The following BCL6 variants were observed in gnomAD, a reference collection of about 807,000 sequenced individuals.
BCL6 encodes BCL6 transcription repressor.
BCL6 carries 7 observed loss-of-function variants against 59.5 expected under a neutral mutation model. The ratio of observed to expected loss-of-function variants is 0.12; its 90% CI spans 0.07 to 0.22. The LOEUF is 0.22. BCL6 is among the 10% of genes least tolerant of loss of function. The pLI, the probability that BCL6 is intolerant of heterozygous loss-of-function variation, is 1.00. For synonymous variants in BCL6, 339 were observed against 349.7 expected (o/e 0.97, Z 0.34); for missense variants, 685 against 939.4 (o/e 0.73, Z 3.54).
At chr3:187,744,786 G>A (rs1576885565) in intron 1 of BCL6, among the ~76,000 whole-genome samples, 2 of 150,134 alleles carry the variant, frequency 1.3e-5, no homozygotes, top group African/African-American at 2.4e-5. Context: ...AGAGGAGGGA[G>A]GGAAGCGGAG....
chr3:187,724,900 A>T, intron 9 of BCL6, 41 bp downstream of exon 9: 1 of 1,554,882 alleles, frequency 6.4e-7, no homozygotes, highest in East Asian at 2.4e-5. Context: ...TGCCCTCCAC[A>T]TCCCCGCAGG....
chr3:187,726,423 G>A (rs1718698365), intron 7 of BCL6, among the ~76,000 whole-genome samples: 2 of 152,182 alleles, frequency 1.3e-5, no homozygotes, highest in Non-Finnish European at 2.9e-5. Flanking sequence ...TACAAAAATT[G>A]AATCTATTTG....
Position 187,729,439 on chromosome 3 carries a change from G to A in BCL6, c.966C>T (p.Pro322=). 6.2e-7 allele frequency: 1 copy of A among 1,609,912 alleles called. No homozygotes were observed. Among genetic ancestry groups the A allele is most frequent in the South Asian group, 1.1e-5 (1 of 90,752 alleles). Residue 322 remains proline (P), a synonymous_variant, in exon 5 of 10, where the codon CCC becomes CCT. Transcript: ENST00000406870. The surrounding 1 kb of genome is among the most constrained non-coding windows in gnomAD (Gnocchi z 5.6). The part of the protein sequence containing the change: ...IALHFEPPNA[P]LNRKGLVSPQ... Reference sequence around the variant, plus strand: ...GACTAACCAGACCCTTCCGGTTCAGGGGTGCATTGGGGGGCTCGAAATGCA... The same window carrying A: ...GACTAACCAGACCCTTCCGGTTCAGAGGTGCATTGGGGGGCTCGAAATGCA...
In BCL6 at chr3:187,729,029, C is replaced by A; in HGVS notation, c.1355+21G>T. 6.6e-7 allele frequency: 1 copy of A among 1,516,510 alleles called. No individual in the cohort carries two copies. The highest frequency in any genetic ancestry group is 8.8e-7 in the Non-Finnish European group (1 of 1,134,864). The allele number at this position is 1,516,510 out of a possible 1,614,324, so 93.9% of individuals were successfully genotyped here. On this transcript the variant is annotated intron_variant, in intron 5 of 9. Coordinates refer to ENST00000406870, the MANE Select transcript of BCL6 (RefSeq NM_001706.5). The surrounding 1 kb of genome is among the most constrained non-coding windows in gnomAD (Gnocchi z 5.6). ...GCCCAGGTAACCCCTGACCTCAGAC[C>A]CAGACAGTCTCTGAAATCACCTGTT...
chr3:187,729,162 G>T lies in BCL6; in HGVS notation c.1243C>A (p.Gln415Lys). 6.2e-7 allele frequency: 1 copy of T among 1,609,444 alleles called. No homozygotes were observed. Among genetic ancestry groups the T allele is most frequent in the African/African-American group, 1.3e-5 (1 of 74,912 alleles). Residue 415 changes from glutamine (Q) to lysine (K), a missense_variant, in exon 5 of 10, where the codon CAG becomes AAG. Gln to Lys is a moderately conservative substitution (Grantham distance 53, BLOSUM62 1). Transcript: ENST00000406870. This position sits in a 1 kb window ranked among gnomAD's most constrained non-coding sequence, Gnocchi z 5.6. ...AGGTTCTCAGGCTCCATGGGTGGCTGGCAGGCAGGTGGGGCCGTGTAGGCT... is the reference window on the plus strand; with the variant it reads ...AGGTTCTCAGGCTCCATGGGTGGCTTGCAGGCAGGTGGGGCCGTGTAGGCT... ...PRAYTAPPAC[Q>K]PPMEPENLDL...
At chr3:187,744,994 T>C (rs529071394) in intron 1 of BCL6, among the ~76,000 whole-genome samples, 4 of 150,276 alleles carry the variant, frequency 2.7e-5, no homozygotes, top group East Asian at 2.0e-4. Flanking sequence ...CACTGTCTCG[T>C]CCTCTCTGCT....
intron 1 of BCL6, among the ~76,000 whole-genome samples, chr3:187,744,810 G>T (rs1711823452): frequency 6.6e-6 from 1 of 151,928 alleles, no homozygotes; most frequent in African/African-American, 2.4e-5. Flanking sequence ...AGGAGCGACG[G>T]AGCAAGGAAA....
chr3:187,726,028 C>T (rs1267030307), intron 7 of BCL6, among the ~76,000 whole-genome samples: 4 of 152,234 alleles, frequency 2.6e-5, no homozygotes, highest in African/African-American at 9.6e-5. Flanking sequence ...TGAGGGGCTA[C>T]TTCAGATTAC....
chr3:187,726,030 T>C (rs1231822814), intron 7 of BCL6, among the ~76,000 whole-genome samples: 1 of 152,226 alleles, frequency 6.6e-6, no homozygotes, highest in Non-Finnish European at 1.5e-5. Context: ...AGGGGCTACT[T>C]CAGATTACCT....
In BCL6 at chr3:187,728,648, C is replaced by G. The variant is rs1294942067; in HGVS notation, c.1356-104G>C. 1.3e-5 allele frequency: 15 copies of G among 1,173,236 alleles called. No individual in the cohort carries two copies. In the East Asian group the frequency reaches 3.6e-4, roughly 28 times the overall value. 72.7% of individuals were successfully genotyped at this position (1,173,236 alleles called of 1,614,324 possible). A position where few individuals can be genotyped will look rare whatever the true frequency, so the allele number is the denominator to read the frequency against. ...GCCCAGAGGCCAGAGCTGGGCTGCC[C>G]ACTCAAGCTCTGAGACCCCAGAGTT... is the stretch of plus-strand genomic sequence containing the variant. On this transcript the variant is annotated intron_variant, in intron 5 of 9. Coordinates refer to ENST00000406870, the MANE Select transcript of BCL6 (RefSeq NM_001706.5).
At chr3:187,724,897 C>T in intron 9 of BCL6, 44 bp downstream of exon 9, 1 of 1,612,088 alleles carries the variant, frequency 6.2e-7, no homozygotes, top group Admixed American at 1.7e-5. Context: ...CCCTGCCCTC[C>T]ACATCCCCGC....
intron 1 of BCL6, among the ~76,000 whole-genome samples, chr3:187,742,166 G>A (rs1711626021): frequency 6.6e-6 from 1 of 152,014 alleles, no homozygotes; most frequent in Non-Finnish European, 1.5e-5. Flanking sequence ...TTCAAAAATT[G>A]ACTTTTGCCA....
chr3:187,744,835 A>G (rs1241193305), intron 1 of BCL6, among the ~76,000 whole-genome samples: 2 of 152,246 alleles, frequency 1.3e-5, no homozygotes, highest in African/African-American at 2.4e-5. Flanking sequence ...TTTGCAAGCG[A>G]GAAAAGAGGG....
intron 1 of BCL6, among the ~76,000 whole-genome samples, chr3:187,744,807 ACGGAGCAAGGAAAGCAGTTTGC>A: frequency 6.9e-6 from 1 of 144,916 alleles, no homozygotes; most frequent in Admixed American, 7.3e-5. Flanking sequence ...GCCAGGAGCG[ACGGAGCAAGGAAAGCAGTTTGC>A]AAGCGAGAAA....
At chr3:187,738,987 G>A (rs932819246) in intron 1 of BCL6, among the ~76,000 whole-genome samples, 5 of 152,156 alleles carry the variant, frequency 3.3e-5, no homozygotes, top group African/African-American at 1.2e-4. Context: ...TTTTACCGCT[G>A]CCTAACGCTA....
intron 1 of BCL6, among the ~76,000 whole-genome samples, chr3:187,743,110 A>T (rs2108481501): frequency 6.6e-6 from 1 of 152,196 alleles, no homozygotes. Context: ...AGCCGGTGGC[A>T]TCGCTCAGAG....
chr3:187,744,733 C>A (rs76288334), intron 1 of BCL6, among the ~76,000 whole-genome samples: 2 of 151,716 alleles, frequency 1.3e-5, no homozygotes, highest in African/African-American at 2.4e-5. Context: ...CCCGGAGTTA[C>A]CCAGAAGGAC....
chr3:187,727,349 T>C (rs1028685540), intron 6 of BCL6, among the ~76,000 whole-genome samples: 1 of 152,280 alleles, frequency 6.6e-6, no homozygotes, highest in African/African-American at 2.4e-5. Context: ...TAAATCCCTG[T>C]CCTGCCTACC....
chr3:187,728,624 C>T, intron 5 of BCL6, 80 bp from the exon 6 acceptor site: 2 of 1,416,610 alleles, frequency 1.4e-6, no homozygotes, highest in South Asian at 1.3e-5. Context: ...TGTAGGCAAG[C>T]CCAGAGGCCA....
Sources: allele counts gnomAD v4.1 joint callset (sites outside exome capture counted in the v4.1 genomes callset), GRCh38; gene constraint gnomAD v4.1.1; non-coding constraint Gnocchi (gnomAD v3.1); transcripts MANE v1.5; gene names NCBI Gene and HGNC (gene_info 2026-07-23, HGNC 2026-07-21).